RUNX2: variants seen among roughly 807,000 people sequenced by gnomAD.
RUNX2 encodes RUNX family transcription factor 2.
Under a neutral mutation model 51.7 loss-of-function variants are expected in RUNX2, and 10 were observed. The observed-to-expected ratio is 0.19, with a 90% CI of 0.12 to 0.33. The LOEUF (loss-of-function observed/expected upper bound fraction) is 0.33, where lower values mean the gene tolerates loss of function less well. RUNX2 is among the 10% of genes least tolerant of loss of function. The pLI is 1.00. For missense variants in RUNX2, 562 were observed against 691.3 expected (o/e 0.81, Z 2.10); for synonymous variants, 276 against 273.6 (o/e 1.01, Z -0.09).
At chr6:45,472,468 G>T (rs542809593) in intron 5 of RUNX2, among the ~76,000 whole-genome samples, 3 of 152,274 alleles carry the variant, frequency 2.0e-5, no homozygotes, top group East Asian at 1.9e-4. Flanking sequence ...GATATGTTCT[G>T]CAGGCCACAC....
chr6:45,349,704 A>G (rs982601856), intron 2 of RUNX2, among the ~76,000 whole-genome samples: 2 of 152,202 alleles, frequency 1.3e-5, no homozygotes, highest in Non-Finnish European at 2.9e-5. Context: ...TCATCATTAA[A>G]ATTATATTAT....
At chr6:45,332,410 A>G (rs931767341) in intron 2 of RUNX2, among the ~76,000 whole-genome samples, 2 of 151,954 alleles carry the variant, frequency 1.3e-5, no homozygotes, top group African/African-American at 4.8e-5. Context: ...ATGGGACTAT[A>G]TTATTTATTT....
chr6:45,512,513 G>A (rs1430729694), intron 7 of RUNX2, 106 bp downstream of exon 7: 4 of 1,230,840 alleles, frequency 3.2e-6, no homozygotes, highest in African/African-American at 1.5e-5. Flanking sequence ...TCTATTAGAG[G>A]CATGTGGGCA....
intron 5 of RUNX2, among the ~76,000 whole-genome samples, chr6:45,478,448 T>C (rs1800019944): frequency 6.6e-6 from 1 of 152,196 alleles, no homozygotes; most frequent in Non-Finnish European, 1.5e-5. Context: ...TAGGAGGAAA[T>C]TGAATCATAG....
rs562173771 is a variant in RUNX2 at position 45,476,230 on chromosome 6, G to A, written c.686-15711G>A. On this transcript the variant is annotated intron_variant, in intron 5 of 8. Coordinates refer to ENST00000647337, the MANE Select transcript of RUNX2 (RefSeq NM_001024630.4). ...GCAGAAATGGGATGGAAAAGAGGGA[G>A]TGAGTCTGTTTTATTTTGTTTCCAT... Among the ~76,000 whole-genome samples, 28 of 152,296 alleles carry A rather than the reference G, an allele frequency of 1.8e-4. No homozygotes were observed. In the South Asian group the frequency reaches 5.6e-3, roughly 30 times the overall value.
Position 45,437,961 on chromosome 6 carries a change from T to C in RUNX2, c.595T>C (p.Leu199=), listed in dbSNP as rs1798733276. The C allele has an allele frequency of 2.6e-5, 42 of 1,612,840 alleles. No homozygotes were observed. The highest frequency in any genetic ancestry group is 3.1e-5 in the Non-Finnish European group (37 of 1,178,888). Residue 199 remains leucine, a synonymous_variant, in exon 5 of 9, where the codon TTG becomes CTG. Transcript: ENST00000647337. ...GRSGRGKSFT[L]TITVFTNPPQ... is the part of the protein sequence containing the mutation. ...TATATCTGCAGGCAAGAGTTTCACCTTGACCATAACCGTCTTCACAAATCC... is the reference window on the plus strand; with the variant it reads ...TATATCTGCAGGCAAGAGTTTCACCCTGACCATAACCGTCTTCACAAATCC...
intron 7 of RUNX2, among the ~76,000 whole-genome samples, chr6:45,518,612 A>G (rs1397025063): frequency 6.6e-6 from 1 of 152,158 alleles, no homozygotes; most frequent in African/African-American, 2.4e-5. Context: ...AAAGCTCAGA[A>G]TGAAACCTGT....
chr6:45,523,557 C>T (rs879719227), intron 7 of RUNX2, among the ~76,000 whole-genome samples: 3 of 152,014 alleles, frequency 2.0e-5, no homozygotes, highest in Non-Finnish European at 4.4e-5. Flanking sequence ...AGGCATGAGC[C>T]ACTGCGCCCG....
intron 2 of RUNX2, among the ~76,000 whole-genome samples, chr6:45,417,560 TA>T (rs1375563738): frequency 6.6e-6 from 1 of 152,240 alleles, no homozygotes; most frequent in Non-Finnish European, 1.5e-5. Flanking sequence ...CCAGTATCTT[TA>T]TAAAATATCT....
chr6:45,541,452 G>A (rs956385510), intron 7 of RUNX2, among the ~76,000 whole-genome samples: 4 of 152,176 alleles, frequency 2.6e-5, no homozygotes, highest in East Asian at 1.9e-4. Context: ...GGGGAGAGCA[G>A]CTCCACATAG....
chr6:45,536,615 G>A (rs1288251604), intron 7 of RUNX2, among the ~76,000 whole-genome samples: 2 of 152,100 alleles, frequency 1.3e-5, no homozygotes, highest in Admixed American at 6.5e-5. Context: ...TGTGTGATTC[G>A]GCCTTGAAAA....
intron 2 of RUNX2, among the ~76,000 whole-genome samples, chr6:45,351,887 T>C (rs1011992065): frequency 3.3e-5 from 5 of 152,180 alleles, no homozygotes; most frequent in African/African-American, 1.2e-4. Flanking sequence ...TTAGAGGCCT[T>C]ATAAATGCTG....
chr6:45,441,748 T>C (rs1427033933), intron 5 of RUNX2, among the ~76,000 whole-genome samples: 1 of 152,228 alleles, frequency 6.6e-6, no homozygotes, highest in Non-Finnish European at 1.5e-5. Context: ...CCTGAGCAGA[T>C]ATTCATGCTC....
At chr6:45,347,451 A>G (rs897349264) in intron 2 of RUNX2, among the ~76,000 whole-genome samples, 1 of 152,194 alleles carries the variant, frequency 6.6e-6, no homozygotes, top group African/African-American at 2.4e-5. Context: ...ATGGCACATA[A>G]TGAACCCAAA....
intron 4 of RUNX2, among the ~76,000 whole-genome samples, chr6:45,433,827 G>A (rs754267306): frequency 6.6e-6 from 1 of 152,044 alleles, no homozygotes; most frequent in Non-Finnish European, 1.5e-5. Context: ...GACTTTTCAC[G>A]CATGGAAGAT....
At chr6:45,393,073 T>C (rs1271263434) in intron 2 of RUNX2, among the ~76,000 whole-genome samples, 2 of 152,214 alleles carry the variant, frequency 1.3e-5, no homozygotes, top group Non-Finnish European at 2.9e-5. Flanking sequence ...TCTATCTGTT[T>C]ACATTACCCA....
In RUNX2 at chr6:45,377,820, T is replaced by G. The variant is rs1181691283; in HGVS notation, c.59-44773T>G. The stretch of plus-strand genomic sequence containing the variant: ...TGCTGCGCTTCCCGCGAGGAGAATG[T>G]GGGGGTGGAGATGGTGCGGTTTCTG... On this transcript the variant is annotated intron_variant, in intron 2 of 8. Transcript: ENST00000647337. 2 of 153,064 alleles carry G rather than the reference T, an allele frequency of 1.3e-5. 1 individual carries two copies. The highest frequency in any genetic ancestry group is 2.9e-5 in the Non-Finnish European group (2 of 69,182). The allele number at this position is 153,064 out of a possible 1,614,324, so 9.5% of individuals were successfully genotyped here.
chr6:45,468,561 A>G (rs1799707040), intron 5 of RUNX2, among the ~76,000 whole-genome samples: 1 of 152,186 alleles, frequency 6.6e-6, no homozygotes, highest in Non-Finnish European at 1.5e-5. Flanking sequence ...TCCTAATGAA[A>G]CAAAATATGC....
chr6:45,431,405 A>G (rs1798538295), intron 3 of RUNX2, among the ~76,000 whole-genome samples: 1 of 152,146 alleles, frequency 6.6e-6, no homozygotes, highest in South Asian at 2.1e-4. Context: ...TCACTTAAAA[A>G]TCTTCTCCCA....
Sources: allele counts gnomAD v4.1 joint callset (sites outside exome capture counted in the v4.1 genomes callset), GRCh38; gene constraint gnomAD v4.1.1; transcripts MANE v1.5; gene names NCBI Gene and HGNC (gene_info 2026-07-23, HGNC 2026-07-21).